Variants in NME9 observed in about 807,000 individuals in gnomAD.
NME9 encodes the protein thioredoxin domain-containing protein 6.
NME9 carries 48 observed loss-of-function variants against 44.4 expected under a neutral mutation model. The observed-to-expected ratio is 1.08, with a 90% CI of 0.86 to 1.37. The LOEUF is 1.37. Among genes scored for constraint, NME9 ranks in the 40% most tolerant of loss-of-function variants. NME9 has a pLI of 0.00. For missense variants in NME9, 325 were observed against 405.2 expected (o/e 0.80, Z 1.70); for synonymous variants, 139 against 147.1 (o/e 0.94, Z 0.40).
chr3:138,315,401 G>A (rs2052999476), intron 5 of NME9, 126 bp downstream of exon 5: 2 of 653,232 alleles, frequency 3.1e-6, no homozygotes. Context: ...ACAGACCCAG[G>A]TGAAACTTTT....
chr3:138,282,448 C>G (rs1391739427), intron 8 of NME9, among the ~76,000 whole-genome samples: 1 of 151,972 alleles, frequency 6.6e-6, no homozygotes, highest in African/African-American at 2.4e-5. Context: ...GAGTTCGAGA[C>G]CAGCCTGGCC....
intron 3 of NME9, among the ~76,000 whole-genome samples, chr3:138,318,577 A>C (rs2053256218): frequency 1.3e-5 from 2 of 151,990 alleles, no homozygotes; most frequent in Non-Finnish European, 2.9e-5. Context: ...TGGGCATAAG[A>C]GATCCCCCAC....
At chr3:138,263,629 G>A (rs1193669989) in intron 8 of NME9, 29 of 1,004,262 alleles carry the variant, frequency 2.9e-5, no homozygotes, top group Non-Finnish European at 3.8e-5. Context: ...AAAAACTCTT[G>A]CCAAAAACAA....
intron 6 of NME9, among the ~76,000 whole-genome samples, 196 bp from the exon 7 acceptor site, chr3:138,306,676 C>A (rs888100585): frequency 1.3e-5 from 2 of 152,218 alleles, no homozygotes; most frequent in Non-Finnish European, 2.9e-5. Flanking sequence ...ACCAGTCTGA[C>A]TCCAGACCTG....
intron 8 of NME9, among the ~76,000 whole-genome samples, chr3:138,273,470 C>T (rs773607925): frequency 6.6e-6 from 1 of 152,184 alleles, no homozygotes; most frequent in Non-Finnish European, 1.5e-5. Context: ...ATCTCTGGGG[C>T]CTCTGCTTCT....
chr3:138,282,418 C>T (rs750619134), intron 8 of NME9, among the ~76,000 whole-genome samples: 7 of 151,954 alleles, frequency 4.6e-5, no homozygotes, highest in East Asian at 3.9e-4. Context: ...GAGGCCAGGG[C>T]GGGTGGATCA....
intron 8 of NME9, chr3:138,263,893 C>G (rs1461731701): frequency 7.6e-7 from 1 of 1,313,426 alleles, no homozygotes; most frequent in African/African-American, 1.4e-5. Context: ...TGGTCCTTCA[C>G]TGAGTAAACA....
At chr3:138,323,728 C>T (rs1231085871) in intron 2 of NME9, among the ~76,000 whole-genome samples, 7 of 152,042 alleles carry the variant, frequency 4.6e-5, no homozygotes, top group Non-Finnish European at 1.0e-4. Context: ...TGGTAATGGG[C>T]AAGGCTAAGA....
intron 8 of NME9, chr3:138,263,989 C>A: frequency 1.1e-6 from 1 of 948,306 alleles, no homozygotes; most frequent in Non-Finnish European, 1.6e-6. Flanking sequence ...GCCTCCAAAC[C>A]CCATAAAGTG....
At chr3:138,318,085 T>G in intron 4 of NME9, 63 bp downstream of exon 4, 1 of 1,015,266 alleles carries the variant, frequency 9.8e-7, no homozygotes, top group African/African-American at 1.6e-5. Context: ...AGTGAGATGC[T>G]TCTATTTTGA....
intron 8 of NME9, 149 bp downstream of exon 8, chr3:138,305,855 C>A: frequency 1.5e-6 from 1 of 657,598 alleles, no homozygotes; most frequent in Admixed American, 2.5e-5. Flanking sequence ...AGCCTATTGT[C>A]ATTCTGAGAA....
chr3:138,263,007 T>C (rs1482344045), intron 8 of NME9, among the ~76,000 whole-genome samples: 14 of 152,066 alleles, frequency 9.2e-5, no homozygotes, highest in Admixed American at 9.2e-4. Flanking sequence ...GCTTGGCACA[T>C]GGAAGAACTC....
At chr3:138,296,270 G>T (rs1358549870), downstream of NME9, 1 of 168,022 alleles carries the variant, frequency 6.0e-6, no homozygotes, top group East Asian at 1.6e-4. Context: ...GGGCCAGAAT[G>T]AATGGATGTG....
intron 2 of NME9, 162 bp downstream of exon 2, chr3:138,324,704 ACACACAC>A: frequency 2.4e-6 from 1 of 410,226 alleles, no homozygotes; most frequent in South Asian, 3.0e-5. Flanking sequence ...ACACACACAC[ACACACAC>A]ACACACACAC....
intron 8 of NME9, among the ~76,000 whole-genome samples, chr3:138,275,393 TA>T: frequency 6.6e-6 from 1 of 151,944 alleles, no homozygotes; most frequent in East Asian, 1.9e-4. Flanking sequence ...CCATCTCTAC[TA>T]AAAAAATACA....
intron 2 of NME9, among the ~76,000 whole-genome samples, chr3:138,321,427 G>A (rs1258526329): frequency 6.6e-6 from 1 of 152,138 alleles, no homozygotes; most frequent in African/African-American, 2.4e-5. Flanking sequence ...CTTTTATAAG[G>A]GCACTTAATG....
chr3:138,262,558 C>T lies in NME9; in HGVS notation c.774G>A (p.Lys258=), dbSNP rs760246183. ...TCTCATTTTAGTCTAGGTCAGTGAT[C>T]TTCAACCTTGGCTGTGTACTGGACT... The change falls in exon 9 of 9, where the codon AAG becomes AAA. Residue 258 remains lysine (K), a synonymous_variant. Coordinates refer to the NME9 transcript ENST00000317876. 1.9e-6 allele frequency: 3 copies of T among 1,611,614 alleles called. No homozygotes were observed. In the African/African-American group the frequency reaches 4.0e-5, roughly 22 times the overall value.
intron 6 of NME9, among the ~76,000 whole-genome samples, chr3:138,312,898 CAACTT>C (rs1177539234): frequency 2.6e-5 from 4 of 152,032 alleles, no homozygotes; most frequent in African/African-American, 7.2e-5. Flanking sequence ...GGAGCTCAAA[CAACTT>C]AAAAGCAAAA....
chr3:138,272,862 A>C, intron 8 of NME9: 1 of 1,038,114 alleles, frequency 9.6e-7, no homozygotes, highest in Non-Finnish European at 1.3e-6. Flanking sequence ...ACAGAGCAAG[A>C]CTCTGTCTCA....
Sources: gnomAD v4.1 joint callset for allele counts (sites outside exome capture counted in the v4.1 genomes callset) on GRCh38, gnomAD v4.1.1 for gene constraint, MANE v1.5 for transcripts, NCBI Gene and HGNC (gene_info 2026-07-23, HGNC 2026-07-21) for gene names.